The following NAV2 variants were observed in gnomAD, a reference collection of about 807,000 sequenced individuals.
NAV2 encodes neuron navigator 2.
Under a neutral mutation model 223.2 loss-of-function variants are expected in NAV2, and 54 were observed. The ratio of observed to expected loss-of-function variants is 0.24; its 90% confidence interval spans 0.19 to 0.30. The LOEUF (loss-of-function observed/expected upper bound fraction) is 0.30. Among genes scored for constraint, NAV2 ranks in the 10% least tolerant of loss-of-function variants. The pLI is 1.00. For synonymous variants in NAV2, 1,279 were observed against 1,239.3 expected (o/e 1.03, Z -0.67); for missense variants, 2,806 against 3,147.5 (o/e 0.89, Z 2.60).
chr11:19,908,987 A>G (rs1012220885), intron 6 of NAV2, among the ~76,000 whole-genome samples: 2 of 152,180 alleles, frequency 1.3e-5, no homozygotes, highest in Non-Finnish European at 2.9e-5. Context: ...AAACCATTGA[A>G]TCACTCTAAA....
At chr11:19,877,472 T>TTTTTTTTTTTTTTTTTTTTTTTTTC (rs2062918261) in intron 4 of NAV2, among the ~76,000 whole-genome samples, 1 of 117,834 alleles carries the variant, frequency 8.5e-6, no homozygotes, top group African/African-American at 3.6e-5. Context: ...TCTTCATTCT[T>TTTTTTTTTTTTTTTTTTTTTTTTTC]TTTTTTTTTT....
At chr11:20,084,620 C>T (rs1189790357) in intron 26 of NAV2, among the ~76,000 whole-genome samples, 2 of 152,114 alleles carry the variant, frequency 1.3e-5, no homozygotes, top group East Asian at 3.9e-4. Flanking sequence ...CCCTGCAGTG[C>T]CCAGCCCAGT....
rs888742413 is a variant in NAV2, at chr11:19,699,170, T to C, written c.76-133314T>C. Among the ~76,000 whole-genome samples the C allele has an allele frequency of 2.6e-5, 4 of 152,170 alleles. No homozygotes were observed. The East Asian group carries it at 5.8e-4, about 22-fold the overall frequency. The stretch of plus-strand genomic sequence containing the variant: ...GCCAGGTTGCTGATGTCAAATGGAG[T>C]GTCTTAGCAAAGCATGGAGTTTAGA... On this transcript the variant is annotated intron_variant, in intron 1 of 37. Coordinates refer to the NAV2 transcript ENST00000360655.
At chr11:19,368,244 G>T (rs184337937) in intron 1 of NAV2, among the ~76,000 whole-genome samples, 2 of 152,296 alleles carry the variant, frequency 1.3e-5, no homozygotes, top group East Asian at 3.9e-4. Flanking sequence ...CTCTCCCGAG[G>T]CAAGGAACAG....
At chr11:19,666,482 A>C (rs1384800875) in intron 1 of NAV2, among the ~76,000 whole-genome samples, 1 of 152,122 alleles carries the variant, frequency 6.6e-6, no homozygotes, top group Non-Finnish European at 1.5e-5. Flanking sequence ...TCATTGAGGG[A>C]GATCTGCGGT....
At chr11:20,025,596 C>G (rs2054971619) in intron 11 of NAV2, among the ~76,000 whole-genome samples, 1 of 152,244 alleles carries the variant, frequency 6.6e-6, no homozygotes, top group African/African-American at 2.4e-5. Flanking sequence ...AAATTTCATG[C>G]TTACTCAGGG....
At chr11:19,989,137 C>A (rs2051084968) in intron 11 of NAV2, among the ~76,000 whole-genome samples, 1 of 152,212 alleles carries the variant, frequency 6.6e-6, no homozygotes, top group South Asian at 2.1e-4. Context: ...ACATTCTAAT[C>A]TCCAGAACCT....
chr11:19,979,401 A>G (rs73432284), intron 10 of NAV2, among the ~76,000 whole-genome samples: 7,741 of 152,026 alleles, frequency 0.051, 629 homozygotes, highest in African/African-American at 0.17. Flanking sequence ...CCCAGTTCCT[A>G]GCTGTGATCC....
chr11:19,680,799 C>T (rs893553158), intron 1 of NAV2, among the ~76,000 whole-genome samples: 1 of 152,234 alleles, frequency 6.6e-6, no homozygotes, highest in Non-Finnish European at 1.5e-5. Flanking sequence ...AAACACGGCT[C>T]TTCTGCTCAG....
Position 19,958,089 on chromosome 11 carries a change from A to G in NAV2, c.2645+9009A>G, listed in dbSNP as rs541310384. On this transcript the variant is annotated intron_variant, in intron 10 of 37. Transcript: ENST00000349880. Reference sequence around the variant, plus strand: ...GGGTGCTTTGGGAGAAGGAAGTCTCAGGCCCTTGTTGAGAGGCCTCCAAAT... The same window carrying G: ...GGGTGCTTTGGGAGAAGGAAGTCTCGGGCCCTTGTTGAGAGGCCTCCAAAT... Among the ~76,000 whole-genome samples the G allele has an allele frequency of 3.0e-4, 45 of 152,238 alleles. No individual in the cohort carries two copies. In the East Asian group the frequency reaches 8.0e-3, roughly 27 times the overall value.
intron 1 of NAV2, among the ~76,000 whole-genome samples, chr11:19,523,041 G>C (rs2043721167): frequency 6.6e-6 from 1 of 152,216 alleles, no homozygotes; most frequent in Non-Finnish European, 1.5e-5. Context: ...GTTCTCATTG[G>C]AGAATTCATC....
At chr11:19,359,417 T>C (rs553252684) in intron 1 of NAV2, among the ~76,000 whole-genome samples, 1 of 152,340 alleles carries the variant, frequency 6.6e-6, no homozygotes, top group African/African-American at 2.4e-5. Context: ...TTGATGTCTG[T>C]GTTGGCTGAT....
At chr11:19,357,538 CAT>C (rs1329480078) in intron 1 of NAV2, among the ~76,000 whole-genome samples, 2 of 152,122 alleles carry the variant, frequency 1.3e-5, no homozygotes, top group African/African-American at 2.4e-5. Flanking sequence ...TAATTCTTAT[CAT>C]ATGTTTCCCT....
intron 1 of NAV2, among the ~76,000 whole-genome samples, chr11:19,766,677 G>T (rs370048036): frequency 9.2e-5 from 14 of 152,122 alleles, no homozygotes; most frequent in South Asian, 6.2e-4. Context: ...ATGGAGCATG[G>T]TGCCTCTCAG....
chr11:19,945,033 CTTTT>C (rs1199313600), intron 8 of NAV2, among the ~76,000 whole-genome samples: 6 of 139,614 alleles, frequency 4.3e-5, no homozygotes, highest in Non-Finnish European at 9.3e-5. Flanking sequence ...TTTCTTCTTT[CTTTT>C]TCTTTTTCCT....
intron 1 of NAV2, among the ~76,000 whole-genome samples, chr11:19,740,528 C>A (rs2052707141): frequency 2.6e-5 from 4 of 151,976 alleles, no homozygotes; most frequent in African/African-American, 9.7e-5. Flanking sequence ...CCACATCCCC[C>A]TCTCTGAGAA....
At chr11:19,385,473 C>T (rs1300975147) in intron 1 of NAV2, among the ~76,000 whole-genome samples, 1 of 152,202 alleles carries the variant, frequency 6.6e-6, no homozygotes, top group African/African-American at 2.4e-5. Flanking sequence ...TCTTGATCCT[C>T]AGATATATGT....
At chr11:19,833,998 T>G (rs11025280) in intron 2 of NAV2, among the ~76,000 whole-genome samples, 5,807 of 152,222 alleles carry the variant, frequency 0.038, 359 homozygotes, top group African/African-American at 0.13. Flanking sequence ...CTTACCTAAC[T>G]TAACATAATC....
At chr11:20,051,477 C>T (rs2058004998) in intron 17 of NAV2, 144 bp downstream of exon 17, 6 of 744,306 alleles carry the variant, frequency 8.1e-6, no homozygotes, top group Non-Finnish European at 1.5e-5. Context: ...GATGACGGCT[C>T]CCCTTGCACC....
Sources: gnomAD v4.1 joint callset for allele counts (sites outside exome capture counted in the v4.1 genomes callset) on GRCh38, gnomAD v4.1.1 for gene constraint, MANE v1.5 for transcripts, NCBI Gene and HGNC (gene_info 2026-07-23, HGNC 2026-07-21) for gene names.